The following EME2 variants were observed in gnomAD, a reference collection of about 807,000 sequenced individuals.
EME2 encodes structure-specific endonuclease subunit EME2.
In EME2, 58 loss-of-function variants were observed where a neutral mutation model predicts 41.9. That is an observed-to-expected ratio of 1.38 (90% CI 1.12 to 1.72). The LOEUF (loss-of-function observed/expected upper bound fraction) is 1.72, where lower values mean the gene tolerates loss of function less well. Ranked by LOEUF, EME2 falls within the 40% of genes most tolerant of loss-of-function variation. The probability of loss-of-function intolerance (pLI) is 0.00; values close to 1 mark genes in which losing one functional copy is unlikely to be tolerated. For synonymous variants in EME2, 334 were observed against 239.3 expected, an observed-to-expected ratio of 1.40 and a Z score of -3.65; for missense variants, 695 against 541.9, an observed-to-expected ratio of 1.28 and a Z score of -2.81.
chr16:1,776,087 C>T lies in EME2; in HGVS notation c.989C>T (p.Thr330Met), dbSNP rs528910143. Residue 330 changes from threonine to methionine, a missense_variant, in exon 8 of 8, where the codon ACG becomes ATG. By Grantham distance (81) the Thr-to-Met change is moderately conservative. Coordinates refer to ENST00000568449, the MANE Select transcript of EME2 (RefSeq NM_001257370.2). ...LLQQALEACS[T>M]ERERMGLLAD... ...TCCTAGGCGCTGGAGGCCTGCAGCA[C>T]GGAGCGGGAGCGCATGGGCCTCCTG... The T allele has an allele frequency of 1.3e-5, 21 of 1,609,824 alleles. No homozygotes were observed. In the East Asian group the frequency reaches 1.3e-4, roughly 10 times the overall value.
rs1175190563 is a variant in EME2 at position 1,773,319 on chromosome 16, G to A, written c.92G>A (p.Trp31Ter). The change falls in exon 1 of 8, where the codon TGG (tryptophan) becomes TAG (stop). Residue 31 changes from tryptophan to a stop codon, truncating the protein, a stop_gained. Coordinates refer to ENST00000568449, the MANE Select transcript of EME2 (RefSeq NM_001257370.2). LOFTEE classifies it high-confidence loss of function. ...AGCGGTCAGCGGCGACCTCCAACCT[G>A]GGAGATCTCAGACTCCGACGCTGAG... Reference protein sequence around the residue: ...GGSGQRRPPTWEISDSDAEDS... With the variant: ...GGSGQRRPPT 6.6e-7 allele frequency: 1 copy of A among 1,507,848 alleles called. No homozygotes were observed. The highest frequency in any genetic ancestry group is 8.8e-7 in the Non-Finnish European group (1 of 1,137,392). 93.4% of individuals were successfully genotyped at this position (1,507,848 alleles called of 1,614,324 possible).
Position 1,772,873 on chromosome 16 carries a change from T to TG in EME2, c.-354dup. 2 of 1,453,138 alleles carry TG rather than the reference T, an allele frequency of 1.4e-6. No individual in the cohort carries two copies. 90.0% of individuals were successfully genotyped at this position (1,453,138 alleles called of 1,614,324 possible). ...TCGTCGTGCTGCCACAGCCAGGACT[T>TG]GCGCGTGACCAGGCGGCCCAGGCCG... is the stretch of plus-strand genomic sequence containing the variant. On this transcript the variant is annotated 5_prime_UTR_variant, in exon 1 of 8. Transcript: ENST00000568449.
Position 1,777,348 on chromosome 16 carries a change from T to C in EME2, c.*1110T>C. On this transcript the variant is annotated 3_prime_UTR_variant, in exon 8 of 8. Coordinates refer to ENST00000568449, the MANE Select transcript of EME2 (RefSeq NM_001257370.2). Reference sequence around the variant, plus strand: ...CACAGGTACTGGAGGGAAGTGGCGCTGGCACAGGAGCGGGTGACCTTCATG... The same window carrying C: ...CACAGGTACTGGAGGGAAGTGGCGCCGGCACAGGAGCGGGTGACCTTCATG... 1 of 1,607,670 alleles carries C rather than the reference T, an allele frequency of 6.2e-7. No individual in the cohort carries two copies. The highest frequency in any genetic ancestry group is 8.5e-7 in the Non-Finnish European group (1 of 1,178,948).
In EME2 at chr16:1,775,930, CCAGCCGTGGCTGATGCAGTTGTCA is replaced by C. The variant is rs757852342; in HGVS notation, c.919_942del (p.Val307_Ala314del). On this transcript the variant is annotated inframe_deletion, in exon 7 of 8. Coordinates refer to ENST00000568449, the MANE Select transcript of EME2 (RefSeq NM_001257370.2). Reference sequence around the variant, plus strand: ...GATCAGGCAGTTCAGTCGGGTCAGCCCAGCCGTGGCTGATGCAGTTGTCACAGCCTTCCCCTCCCCCCGCCTTCT... The same window carrying C: ...GATCAGGCAGTTCAGTCGGGTCAGCCCAGCCTTCCCCTCCCCCCGCCTTCT... The C allele has an allele frequency of 6.2e-6, 10 of 1,611,854 alleles. No homozygotes were observed. The highest frequency in any genetic ancestry group is 3.3e-5 in the Admixed American group (2 of 59,966).
rs569963863 is a variant in EME2, at chr16:1,780,880, G to A, written c.*4642G>A. The A allele has an allele frequency of 1.3e-4, 43 of 327,796 alleles. No individual in the cohort carries two copies. The highest frequency in any genetic ancestry group is 8.8e-4 in the South Asian group (36 of 41,120). The allele number at this position is 327,796 out of a possible 1,614,324, so 20.3% of individuals were successfully genotyped here. On this transcript the variant is annotated 3_prime_UTR_variant, in exon 8 of 8. Transcript: ENST00000568449. ...CCTGAGTCGTTGGGACTACAGGCACGTGCCACCACGCCTGACACATTTTTT... is the reference window on the plus strand; with the variant it reads ...CCTGAGTCGTTGGGACTACAGGCACATGCCACCACGCCTGACACATTTTTT...
At position 1,777,552 on chromosome 16, in the gene EME2, T is replaced by G; in HGVS notation, c.*1314T>G. On this transcript the variant is annotated 3_prime_UTR_variant, in exon 8 of 8. Coordinates refer to ENST00000568449, the MANE Select transcript of EME2 (RefSeq NM_001257370.2). ...CACCCGGGTGGGCAGCTGGCACAGCTGAGGCAAGGCAGGGTGCACGCGCTG... is the reference window on the plus strand; with the variant it reads ...CACCCGGGTGGGCAGCTGGCACAGCGGAGGCAAGGCAGGGTGCACGCGCTG... The G allele has an allele frequency of 7.3e-7, 1 of 1,364,256 alleles. No individual in the cohort carries two copies. Among genetic ancestry groups the G allele is most frequent in the South Asian group, 1.5e-5 (1 of 68,180 alleles). 84.5% of individuals were successfully genotyped at this position (1,364,256 alleles called of 1,614,324 possible). A position where few individuals can be genotyped will look rare whatever the true frequency, so the allele number is the denominator to read the frequency against.
chr16:1,777,249 T>C lies in EME2; in HGVS notation c.*1011T>C. ...CCCAGCTTGTTGTGTAGCACCTGCTTGAGGCCCGGCGGCAGCGGCAGACCC... is the reference window on the plus strand; with the variant it reads ...CCCAGCTTGTTGTGTAGCACCTGCTCGAGGCCCGGCGGCAGCGGCAGACCC... On this transcript the variant is annotated 3_prime_UTR_variant, in exon 8 of 8. Transcript: ENST00000568449. The C allele has an allele frequency of 6.2e-7, 1 of 1,610,878 alleles. No homozygotes were observed.
Position 1,776,054 on chromosome 16 carries a change from T to A in EME2, c.970-14T>A. 1 of 1,606,464 alleles carries A rather than the reference T, an allele frequency of 6.2e-7. No homozygotes were observed. Among genetic ancestry groups the A allele is most frequent in the Non-Finnish European group, 8.5e-7 (1 of 1,177,116 alleles). On this transcript the variant is annotated splice_polypyrimidine_tract_variant and intron_variant, in intron 7 of 7. Transcript: ENST00000568449. ...CGTCCCCAGGCGCCCTCTCATGCCT[T>A]TGCCTGCTCCTAGGCGCTGGAGGCC...
chr16:1,777,529 C>T lies in EME2; in HGVS notation c.*1291C>T. 7.2e-7 allele frequency: 1 copy of T among 1,393,998 alleles called. No homozygotes were observed. The highest frequency in any genetic ancestry group is 9.5e-7 in the Non-Finnish European group (1 of 1,057,754). 86.4% of individuals were successfully genotyped at this position (1,393,998 alleles called of 1,614,324 possible). On this transcript the variant is annotated 3_prime_UTR_variant, in exon 8 of 8. Transcript: ENST00000568449. ...CCCCTCAGACCTCACGCTACAGTCA[C>T]CCGGGTGGGCAGCTGGCACAGCTGA...
At position 1,777,012 on chromosome 16, in the gene EME2, G is replaced by A; in HGVS notation, c.*774G>A. The A allele has an allele frequency of 6.8e-7, 1 of 1,478,494 alleles. No individual in the cohort carries two copies. The highest frequency in any genetic ancestry group is 9.2e-7 in the Non-Finnish European group (1 of 1,090,696). 91.6% of individuals were successfully genotyped at this position (1,478,494 alleles called of 1,614,324 possible). On this transcript the variant is annotated 3_prime_UTR_variant, in exon 8 of 8. Coordinates refer to ENST00000568449, the MANE Select transcript of EME2 (RefSeq NM_001257370.2). ...GCCTCATCCAACTCCGCCCTGGAGTGTGGCTGGAAGGAAGGGACAGAGAAA... is the reference window on the plus strand; with the variant it reads ...GCCTCATCCAACTCCGCCCTGGAGTATGGCTGGAAGGAAGGGACAGAGAAA...
At position 1,775,334 on chromosome 16, in the gene EME2, CG is replaced by C. The variant is rs2042694198; in HGVS notation, c.594del (p.Thr199HisfsTer45). ...GCTCAGGTCTCGCCAGCACGTTTCC[CG>C]GGGGACACAGCAGCCAGAGAGCCCG... ...AYLWSRQHVS[R>X]GTQQPESPKV... On this transcript the variant is annotated frameshift_variant, in exon 5 of 8. Coordinates refer to ENST00000568449, the MANE Select transcript of EME2 (RefSeq NM_001257370.2). LOFTEE classifies it high-confidence loss of function. 3.7e-6 allele frequency: 6 copies of C among 1,610,620 alleles called. No homozygotes were observed. The highest frequency in any genetic ancestry group is 1.7e-5 in the Admixed American group (1 of 60,022).
rs763769567 is a variant in EME2 at position 1,773,169 on chromosome 16, G to T, written c.-59G>T. On this transcript the variant is annotated 5_prime_UTR_variant, in exon 1 of 8. Coordinates refer to ENST00000568449, the MANE Select transcript of EME2 (RefSeq NM_001257370.2). ...CGGCCGGAAGTCACCGGAAGAGGCC[G>T]GTGTCCCAGGCTAAAGTGTTCGGTC... 14 of 1,414,002 alleles carry T rather than the reference G, an allele frequency of 9.9e-6. No homozygotes were observed. The highest frequency in any genetic ancestry group is 3.1e-5 in the Admixed American group (1 of 31,920). 87.6% of individuals were successfully genotyped at this position (1,414,002 alleles called of 1,614,324 possible).
chr16:1,774,487 A>T (rs2042679970), intron 3 of EME2, 135 bp downstream of exon 3: 1 of 692,470 alleles, frequency 1.4e-6, no homozygotes, highest in Admixed American at 2.6e-5. Flanking sequence ...CTCCTCTCTG[A>T]TCCAAAGCCG....
chr16:1,775,317 C>A lies in EME2; in HGVS notation c.572C>A (p.Ser191Tyr). 6.2e-7 allele frequency: 1 copy of A among 1,609,914 alleles called. No homozygotes were observed. Among genetic ancestry groups the A allele is most frequent in the African/African-American group, 1.3e-5 (1 of 75,058 alleles). Residue 191 changes from serine (S) to tyrosine (Y), a missense_variant and splice_region_variant, in exon 5 of 8, where the codon TCT (serine) becomes TAT (tyrosine). Ser to Tyr is a moderately radical substitution (Grantham distance 144, BLOSUM62 -2). Coordinates refer to ENST00000568449, the MANE Select transcript of EME2 (RefSeq NM_001257370.2). Reference protein sequence around the residue: ...AVIGLDAYLWSRQHVSRGTQQ... With the variant: ...AVIGLDAYLWYRQHVSRGTQQ... ...GAGGAATGGTCACCTCTGCTCAGGTCTCGCCAGCACGTTTCCCGGGGGACA... is the reference window on the plus strand; with the variant it reads ...GAGGAATGGTCACCTCTGCTCAGGTATCGCCAGCACGTTTCCCGGGGGACA...
At chr16:1,774,704 C>T (rs755547060) in intron 3 of EME2, among the ~76,000 whole-genome samples, 25 of 152,238 alleles carry the variant, frequency 1.6e-4, no homozygotes, top group African/African-American at 2.7e-4. Flanking sequence ...TTAGGCTAGA[C>T]CCCCTGCCAG....
In EME2 at chr16:1,775,295, G is replaced by A. The variant is rs374543189; in HGVS notation, c.570-20G>A. 102 of 1,608,956 alleles carry A rather than the reference G, an allele frequency of 6.3e-5. No homozygotes were observed. The highest frequency in any genetic ancestry group is 8.5e-5 in the Non-Finnish European group (100 of 1,179,646). On this transcript the variant is annotated intron_variant, in intron 4 of 7. Transcript: ENST00000568449. ...GGCAGGCCCCATGGGGAGCGGGGAGGAATGGTCACCTCTGCTCAGGTCTCG... is the reference window on the plus strand; with the variant it reads ...GGCAGGCCCCATGGGGAGCGGGGAGAAATGGTCACCTCTGCTCAGGTCTCG...
chr16:1,775,076 C>A lies in EME2; in HGVS notation c.513C>A (p.Ser171=), dbSNP rs2042688973. 6.2e-7 allele frequency: 1 copy of A among 1,610,622 alleles called. No individual in the cohort carries two copies. Among genetic ancestry groups the A allele is most frequent in the South Asian group, 1.1e-5 (1 of 91,082 alleles). ...CAACCCACTGGGTGCCCTGGATCTC[C>A]CCCGAGACCACCGCCCGGCCCCACC... ...SGPTHWVPWI[S]PETTARPHLA... Residue 171 remains serine, a synonymous_variant, in exon 4 of 8, where the codon TCC becomes TCA. Transcript: ENST00000568449.
At position 1,774,356 on chromosome 16, in the gene EME2, C is replaced by T; in HGVS notation, c.477+4C>T. The stretch of plus-strand genomic sequence containing the variant: ...GGGCGTCGCCACACTGACCCAGGTG[C>T]TCGGGTGGTGGCAGTAGTCCCTCTC... On this transcript the variant is annotated splice_donor_region_variant and intron_variant, in intron 3 of 7. Transcript: ENST00000568449. 1 of 1,611,802 alleles carries T rather than the reference C, an allele frequency of 6.2e-7. No individual in the cohort carries two copies. The highest frequency in any genetic ancestry group is 8.5e-7 in the Non-Finnish European group (1 of 1,179,114).
chr16:1,774,923 T>G, intron 3 of EME2, 118 bp from the exon 4 acceptor site: 1 of 803,390 alleles, frequency 1.2e-6, no homozygotes, highest in South Asian at 1.6e-5. Context: ...GAGGCTCCTC[T>G]CGGCACCACT....
Sources: allele counts gnomAD v4.1 joint callset (sites outside exome capture counted in the v4.1 genomes callset), GRCh38; gene constraint gnomAD v4.1.1; transcripts MANE v1.5; gene names NCBI Gene and HGNC (gene_info 2026-07-23, HGNC 2026-07-21).